The following ARAP2 variants were observed in gnomAD, a reference collection of about 807,000 sequenced individuals.
ARAP2 encodes the protein ArfGAP with RhoGAP domain, ankyrin repeat and PH domain 2.
Under a neutral mutation model 194.5 loss-of-function variants are expected in ARAP2, and 148 were observed. That is an observed-to-expected ratio of 0.76 (90% confidence interval 0.67 to 0.87). The LOEUF (loss-of-function observed/expected upper bound fraction) is 0.87, where lower values mean the gene tolerates loss of function less well. Ranked by LOEUF, ARAP2 falls within the 40% of genes least tolerant of loss-of-function variation. ARAP2 has a pLI of 0.00. For synonymous variants in ARAP2, 695 were observed against 683.5 expected, an observed-to-expected ratio of 1.02 and a Z score of -0.26; for missense variants, 2,128 against 1,989.7, an observed-to-expected ratio of 1.07 and a Z score of -1.32.
At chr4:36,160,304 A>G in intron 13 of ARAP2, 155 bp downstream of exon 13, 1 of 1,235,488 alleles carries the variant, frequency 8.1e-7, no homozygotes, top group Non-Finnish European at 1.0e-6. Flanking sequence ...AAATGAAACA[A>G]GGGGGAAACC....
intron 11 of ARAP2, among the ~76,000 whole-genome samples, chr4:36,162,691 T>A (rs1734374902): frequency 6.6e-6 from 1 of 151,362 alleles, no homozygotes; most frequent in Admixed American, 6.6e-5. Flanking sequence ...GCATTTATAA[T>A]GACTACCTAC....
intron 28 of ARAP2, among the ~76,000 whole-genome samples, chr4:36,084,512 T>C (rs1387840995): frequency 2.0e-5 from 3 of 152,122 alleles, no homozygotes. Context: ...CGTGAATATA[T>C]ATGAACACAT....
chr4:36,142,967 T>C (rs1041628783), intron 19 of ARAP2, among the ~76,000 whole-genome samples: 1 of 151,776 alleles, frequency 6.6e-6, no homozygotes, highest in Non-Finnish European at 1.5e-5. Flanking sequence ...ATGCTCAACA[T>C]GTCTTAAACT....
At chr4:36,114,048 G>T in intron 26 of ARAP2, 122 bp downstream of exon 26, 1 of 739,868 alleles carries the variant, frequency 1.4e-6, no homozygotes, top group Non-Finnish European at 2.3e-6. Context: ...ATTAATACAT[G>T]CACTAAGGTA....
intron 26 of ARAP2, among the ~76,000 whole-genome samples, chr4:36,109,594 T>C (rs73806459): frequency 2.8e-4 from 42 of 152,102 alleles, no homozygotes; most frequent in African/African-American, 9.4e-4. Flanking sequence ...CCCACAATTT[T>C]TCAATGTTAT....
Position 36,210,736 on chromosome 4 carries a change from C to A in ARAP2, c.1141G>T (p.Asp381Tyr). 1.3e-6 allele frequency: 2 copies of A among 1,586,150 alleles called. No homozygotes were observed. Among genetic ancestry groups the A allele is most frequent in the South Asian group, 1.2e-5 (1 of 86,214 alleles). ...TCGCTTATTTTCTCCTTTCTGTTAT[C>A]GTATATGCTAAACGGAAAAATGATG... ...NSFIIKSSIY[D>Y]NRKEKISEDK... The change falls in exon 6 of 33, where the codon GAT becomes TAT. Residue 381 changes from aspartate to tyrosine, a missense_variant. Coordinates refer to ENST00000303965, the MANE Select transcript of ARAP2 (RefSeq NM_015230.4).
chr4:36,036,977 A>G (rs1383433099), intron 5 of ARAP2, among the ~76,000 whole-genome samples: 2 of 152,048 alleles, frequency 1.3e-5, no homozygotes, highest in Non-Finnish European at 2.9e-5. Context: ...AACCCATTGG[A>G]TTATAAAGGT....
At chr4:36,147,810 CTGATA>C in intron 17 of ARAP2, 64 bp from the exon 18 acceptor site, 1 of 1,300,494 alleles carries the variant, frequency 7.7e-7, no homozygotes, top group Non-Finnish European at 1.0e-6. Flanking sequence ...TCCCTATCTA[CTGATA>C]TGAGAGAAGG....
At position 36,159,496 on chromosome 4, in the gene ARAP2, C is replaced by T. The variant is rs1298753844; in HGVS notation, c.2452G>A (p.Ala818Thr). The change falls in exon 14 of 33, where the codon GCT (alanine) becomes ACT (threonine). Residue 818 changes from alanine to threonine, a missense_variant. Ala to Thr is a moderately conservative substitution (Grantham distance 58). Coordinates refer to ENST00000303965, the MANE Select transcript of ARAP2 (RefSeq NM_015230.4). ...TKEELNKALCAAVVKPDVLET... is the reference protein window; with the variant it reads ...TKEELNKALCTAVVKPDVLET... Reference sequence around the variant, plus strand: ...AGAACATCCGGTTTCACTACAGCAGCACATAGAGCCTGGTCATTAAAAGAA... The same window carrying T: ...AGAACATCCGGTTTCACTACAGCAGTACATAGAGCCTGGTCATTAAAAGAA... The T allele has an allele frequency of 5.8e-6, 9 of 1,542,174 alleles. No individual in the cohort carries two copies. The highest frequency in any genetic ancestry group is 7.9e-6 in the Non-Finnish European group (9 of 1,139,844).
Position 36,161,395 on chromosome 4 carries a change from A to G in ARAP2, c.2259+70T>C. On this transcript the variant is annotated intron_variant, in intron 12 of 32. Transcript: ENST00000303965. ...AAAAATTCCTGCCACCCAAACCCACAGCAAACCTCCTCCCAGTCTCTGCAA... is the reference window on the plus strand; with the variant it reads ...AAAAATTCCTGCCACCCAAACCCACGGCAAACCTCCTCCCAGTCTCTGCAA... 2.3e-6 allele frequency: 3 copies of G among 1,331,186 alleles called. No homozygotes were observed. In the South Asian group the frequency reaches 3.6e-5, roughly 16 times the overall value. 82.5% of individuals were successfully genotyped at this position (1,331,186 alleles called of 1,614,324 possible).
At chr4:36,193,545 A>AC (rs764602341) in intron 7 of ARAP2, 33 bp downstream of exon 7, 1 of 1,501,882 alleles carries the variant, frequency 6.7e-7, no homozygotes, top group Non-Finnish European at 9.0e-7. Context: ...ATGCATAAAA[A>AC]AGCAATTTTT....
At chr4:36,201,614 A>T (rs191024527) in intron 6 of ARAP2, among the ~76,000 whole-genome samples, 1 of 152,288 alleles carries the variant, frequency 6.6e-6, no homozygotes, top group East Asian at 1.9e-4. Flanking sequence ...GGTGGTGTAA[A>T]GTTTCAACTG....
chr4:36,045,180 C>T (rs1229947207), intron 5 of ARAP2, among the ~76,000 whole-genome samples: 1 of 152,048 alleles, frequency 6.6e-6, no homozygotes, highest in Admixed American at 6.6e-5. Flanking sequence ...TCCAGCAATC[C>T]CAGTTCTGGG....
At chr4:36,240,116 C>A (rs1302953000) in intron 1 of ARAP2, among the ~76,000 whole-genome samples, 1 of 152,028 alleles carries the variant, frequency 6.6e-6, no homozygotes, top group South Asian at 2.1e-4. Context: ...TACCCTATAT[C>A]GTATAGTATT....
At chr4:36,074,635 C>T (rs1205497227) in intron 31 of ARAP2, among the ~76,000 whole-genome samples, 1 of 151,992 alleles carries the variant, frequency 6.6e-6, no homozygotes, top group Non-Finnish European at 1.5e-5. Flanking sequence ...ATGACGTAAA[C>T]ACAGAATACC....
chr4:36,177,884 C>G lies in ARAP2; in HGVS notation c.1800G>C (p.Lys600Asn), dbSNP rs1401855515. Reference protein sequence around the residue: ...KCGYLELRGYKAKIFTVLSGN... With the variant: ...KCGYLELRGYNAKIFTVLSGN... ...CACTTAACACAGTAAAAATTTTTGC[C>G]TTATAGCCTCTCAATTCAAGATATC... is the stretch of plus-strand genomic sequence containing the variant. The change falls in exon 9 of 33, where the codon AAG becomes AAC. Residue 600 changes from lysine (K) to asparagine (N), a missense_variant. Transcript: ENST00000303965. 6.2e-7 allele frequency: 1 copy of G among 1,613,214 alleles called. No individual in the cohort carries two copies. Among genetic ancestry groups the G allele is most frequent in the African/African-American group, 1.3e-5 (1 of 74,884 alleles).
At chr4:36,161,624 T>C in intron 11 of ARAP2, 74 bp from the exon 12 acceptor site, 3 of 1,219,446 alleles carry the variant, frequency 2.5e-6, no homozygotes, top group East Asian at 4.8e-5. Context: ...TGAAAGAAAG[T>C]GCATATGTCT....
At chr4:36,195,925 G>A (rs377742011) in intron 6 of ARAP2, among the ~76,000 whole-genome samples, 5 of 152,176 alleles carry the variant, frequency 3.3e-5, no homozygotes, top group African/African-American at 1.2e-4. Context: ...GTAACACAGA[G>A]AGGAATATGG....
At position 36,229,275 on chromosome 4, in the gene ARAP2, A is replaced by AT. The variant is rs761032360; in HGVS notation, c.211dup (p.Met71AsnfsTer12). 1 of 1,613,940 alleles carries AT rather than the reference A, an allele frequency of 6.2e-7. No individual in the cohort carries two copies. Among genetic ancestry groups the AT allele is most frequent in the Non-Finnish European group, 8.5e-7 (1 of 1,179,876 alleles). ...ATTTGCATATATTGGAATATCTTGC[A>AT]TTTTTGACAAGATTATCTGTAACTG... On this transcript the variant is annotated frameshift_variant, in exon 2 of 33. Coordinates refer to ENST00000303965, the MANE Select transcript of ARAP2 (RefSeq NM_015230.4). LOFTEE classifies it high-confidence loss of function.
Sources: allele counts gnomAD v4.1 joint callset (sites outside exome capture counted in the v4.1 genomes callset), GRCh38; gene constraint gnomAD v4.1.1; transcripts MANE v1.5; gene names NCBI Gene and HGNC (gene_info 2026-07-23, HGNC 2026-07-21).